The following ENTREP2 variants were observed in gnomAD, a reference collection of about 807,000 sequenced individuals.
ENTREP2 encodes endosomal transmembrane epsin interactor 2.
chr15:29,642,984 T>A, the ENTREP2 span, among the ~76,000 whole-genome samples: 2 of 152,304 alleles, frequency 1.3e-5, no homozygotes, highest in Admixed American at 1.3e-4. Context: ...ATTGAACCCC[T>A]ACCTCATTCC....
the ENTREP2 span, among the ~76,000 whole-genome samples, chr15:29,147,148 T>C: frequency 3.9e-5 from 6 of 152,202 alleles, no homozygotes; most frequent in African/African-American, 1.4e-4. Context: ...ATATATCTGA[T>C]AAGGGGGTTG....
chr15:29,480,338 CAAAAAAAAAAAAAAAA>C, the ENTREP2 span, among the ~76,000 whole-genome samples: 1,238 of 29,526 alleles, frequency 0.042, 59 homozygotes, highest in African/African-American at 0.11. Flanking sequence ...TTCACTATAG[CAAAAAAAAAAAAAAAA>C]AAAAAAAAAA....
At chr15:29,652,698 C>G in the ENTREP2 span, among the ~76,000 whole-genome samples, 2 of 152,234 alleles carry the variant, frequency 1.3e-5, no homozygotes, top group Non-Finnish European at 1.5e-5. Context: ...TGCAGCCTTG[C>G]AGAGAGCTGC....
chr15:29,546,526 G>A, the ENTREP2 span, among the ~76,000 whole-genome samples: 1 of 152,216 alleles, frequency 6.6e-6, no homozygotes, highest in East Asian at 1.9e-4. Flanking sequence ...CAAACCAATC[G>A]CCACTTTGTG....
the ENTREP2 span, among the ~76,000 whole-genome samples, chr15:29,640,649 C>CAAACA: frequency 5.2e-3 from 784 of 149,750 alleles, 8 homozygotes; most frequent in East Asian, 0.04. Context: ...GGGCCTGTCT[C>CAAACA]AAACAAAACA....
chr15:29,228,874 A>C, the ENTREP2 span, among the ~76,000 whole-genome samples: 2 of 152,182 alleles, frequency 1.3e-5, no homozygotes, highest in Non-Finnish European at 2.9e-5. Context: ...ATAGATCACA[A>C]ATGTAAAAAA....
At chr15:29,468,108 T>C in the ENTREP2 span, among the ~76,000 whole-genome samples, 1 of 152,164 alleles carries the variant, frequency 6.6e-6, no homozygotes, top group East Asian at 1.9e-4. Flanking sequence ...ATTGTTTTTA[T>C]TCCCCCAAAG....
chr15:29,301,726 T>C, the ENTREP2 span, among the ~76,000 whole-genome samples: 3 of 152,124 alleles, frequency 2.0e-5, no homozygotes, highest in African/African-American at 4.8e-5. Context: ...CCCAGTGTGA[T>C]AGTATTAAGA....
the ENTREP2 span, among the ~76,000 whole-genome samples, chr15:29,595,567 T>A: frequency 6.6e-6 from 1 of 152,182 alleles, no homozygotes; most frequent in Admixed American, 6.5e-5. Context: ...TCGTGGTGTG[T>A]CAGCTTCTCA....
the ENTREP2 span, among the ~76,000 whole-genome samples, chr15:29,387,795 G>C: frequency 2.2e-4 from 33 of 152,212 alleles, no homozygotes; most frequent in Non-Finnish European, 3.8e-4. Context: ...GAACAGAACA[G>C]AGCCCTCAGA....
chr15:29,364,151 A>G, the ENTREP2 span, among the ~76,000 whole-genome samples: 4 of 152,172 alleles, frequency 2.6e-5, no homozygotes, highest in Non-Finnish European at 5.9e-5. Context: ...ACCTAAACGT[A>G]TTTTACTACG....
At chr15:29,249,324 A>C in the ENTREP2 span, among the ~76,000 whole-genome samples, 1 of 152,184 alleles carries the variant, frequency 6.6e-6, no homozygotes, top group African/African-American at 2.4e-5. Flanking sequence ...TAAATAAATA[A>C]AACATGGAAC....
the ENTREP2 span, among the ~76,000 whole-genome samples, chr15:29,248,902 G>T: frequency 1.3e-5 from 2 of 152,094 alleles, no homozygotes; most frequent in Admixed American, 6.5e-5. Flanking sequence ...GCTGTAAAAA[G>T]GATTCAATTT....
At chr15:29,623,494 A>G in the ENTREP2 span, among the ~76,000 whole-genome samples, 6 of 152,212 alleles carry the variant, frequency 3.9e-5, no homozygotes, top group Non-Finnish European at 8.8e-5. Context: ...AGTAAACGTG[A>G]AAAATGAGGT....
chr15:29,305,029 T>C, the ENTREP2 span, among the ~76,000 whole-genome samples: 1 of 152,212 alleles, frequency 6.6e-6, no homozygotes, highest in Non-Finnish European at 1.5e-5. Flanking sequence ...TTACCATTTT[T>C]AGTCTATTAC....
chr15:29,577,906 T>C, the ENTREP2 span, among the ~76,000 whole-genome samples: 1 of 151,494 alleles, frequency 6.6e-6, no homozygotes, highest in Non-Finnish European at 1.5e-5. Flanking sequence ...GAAAGCAGGG[T>C]GGTAGTTGCT....
At chr15:29,632,542 G>A in the ENTREP2 span, among the ~76,000 whole-genome samples, 1 of 152,190 alleles carries the variant, frequency 6.6e-6, no homozygotes, top group East Asian at 1.9e-4. Context: ...AACACTTTGG[G>A]AAGCTGAGGC....
chr15:29,451,868 G>C, the ENTREP2 span, among the ~76,000 whole-genome samples: 1 of 152,226 alleles, frequency 6.6e-6, no homozygotes. Flanking sequence ...CAGGCCTTCT[G>C]TGCAGACCTC....
chr15:29,329,237 C>T, the ENTREP2 span, among the ~76,000 whole-genome samples: 1 of 151,980 alleles, frequency 6.6e-6, no homozygotes, highest in South Asian at 2.1e-4. Context: ...GTGGCAGGTG[C>T]CTGTAGTCCC....
Sources: gnomAD v4.1 joint callset for allele counts (sites outside exome capture counted in the v4.1 genomes callset) on GRCh38, gnomAD v4.1.1 for gene constraint, MANE v1.5 for transcripts, NCBI Gene and HGNC (gene_info 2026-07-23, HGNC 2026-07-21) for gene names.